Variants in SLC17A5 observed in about 807,000 individuals in gnomAD.
SLC17A5 encodes solute carrier family 17 member 5.
In SLC17A5, 47 loss-of-function variants were observed where a neutral mutation model predicts 59.4. The observed-to-expected ratio is 0.79, with a 90% CI of 0.63 to 1.01. SLC17A5 has a LOEUF of 1.01. Among genes scored for constraint, SLC17A5 ranks in the 50% least tolerant of loss-of-function variants. The pLI is 0.00. For missense variants in SLC17A5, 522 were observed against 595.5 expected (o/e 0.88, Z 1.28); for synonymous variants, 202 against 210.7 (o/e 0.96, Z 0.36).
chr6:73,647,995 G>C (rs914173186), intron 1 of SLC17A5, among the ~76,000 whole-genome samples: 1 of 152,096 alleles, frequency 6.6e-6, no homozygotes, highest in African/African-American at 2.4e-5. Context: ...CTTGAACCTG[G>C]GAGGTGGAGG....
At chr6:73,633,884 AAAAAATAAAT>A (rs1290946436) in intron 6 of SLC17A5, among the ~76,000 whole-genome samples, 1 of 151,900 alleles carries the variant, frequency 6.6e-6, no homozygotes, top group Admixed American at 6.6e-5. Context: ...CGTCTAAAAA[AAAAAATAAAT>A]AAAATAAAAT....
intron 2 of SLC17A5, among the ~76,000 whole-genome samples, chr6:73,643,522 G>C (rs1176912465): frequency 6.6e-6 from 1 of 151,942 alleles, no homozygotes. Context: ...TGTTGCCCAG[G>C]CTGGAGTGGA....
chr6:73,601,687 T>TG (rs1364751985), intron 9 of SLC17A5, among the ~76,000 whole-genome samples: 7 of 67,962 alleles, frequency 1.0e-4, no homozygotes, highest in East Asian at 7.3e-4. Flanking sequence ...AGGAGGGAGG[T>TG]GGGGTGGTCA....
intron 6 of SLC17A5, among the ~76,000 whole-genome samples, chr6:73,634,907 C>G (rs1768924551): frequency 2.0e-5 from 3 of 152,106 alleles, no homozygotes; most frequent in Admixed American, 6.6e-5. Flanking sequence ...TCATGAATAA[C>G]ACATTTTATT....
At chr6:73,631,063 A>G (rs901134589) in intron 6 of SLC17A5, among the ~76,000 whole-genome samples, 18 of 151,132 alleles carry the variant, frequency 1.2e-4, no homozygotes, top group African/African-American at 4.2e-4. Flanking sequence ...AAAAAAAAAA[A>G]AAAGAAAAAA....
intron 10 of SLC17A5, among the ~76,000 whole-genome samples, chr6:73,595,916 G>A (rs536406299): frequency 1.4e-3 from 1 of 722 alleles, no homozygotes; most frequent in African/African-American, 7.0e-3. Context: ...ATATATATAC[G>A]TATATATATA....
At chr6:73,648,334 C>T (rs76081669) in intron 1 of SLC17A5, among the ~76,000 whole-genome samples, 2,727 of 152,286 alleles carry the variant, frequency 0.018, 47 homozygotes, top group Non-Finnish European at 0.03. Flanking sequence ...AAGTTCAAAG[C>T]AAAATCATGC....
At chr6:73,636,900 G>A (rs1241441002) in intron 4 of SLC17A5, among the ~76,000 whole-genome samples, 193 bp from the exon 5 acceptor site, 1 of 152,032 alleles carries the variant, frequency 6.6e-6, no homozygotes, top group Non-Finnish European at 1.5e-5. Flanking sequence ...GGGCAATATG[G>A]CAAACTCCTA....
At chr6:73,601,749 C>T (rs1386997026) in intron 9 of SLC17A5, among the ~76,000 whole-genome samples, 2 of 128,930 alleles carry the variant, frequency 1.6e-5, no homozygotes, top group South Asian at 2.5e-4. Flanking sequence ...CGCCTCTGCC[C>T]AGCCGCCCCT....
At chr6:73,620,077 C>T (rs592752) in intron 7 of SLC17A5, among the ~76,000 whole-genome samples, 16,256 of 151,944 alleles carry the variant, frequency 0.11, 1,055 homozygotes, top group Middle Eastern at 0.18. Context: ...GTGCCTGCTA[C>T]CATGCCTGGC....
rs58205870 is a variant in SLC17A5 at position 73,645,789 on chromosome 6, C to CAA, written c.95-1188_95-1187dup. On this transcript the variant is annotated intron_variant, in intron 1 of 10. Transcript: ENST00000355773. ...GGCGACAGAGACAGAGACTCCGTCT[C>CAA]AAAAAAAAAAAAAAAAAAAAAAAGA... Among the ~76,000 whole-genome samples the CAA allele has an allele frequency of 5.0e-3, 378 of 75,006 alleles. 3 individuals carry two copies. The highest frequency in any genetic ancestry group is 6.9e-3 in the East Asian group (14 of 2,040). The allele number at this position is 75,006 out of a possible 152,430, so 49.2% of individuals were successfully genotyped here.
chr6:73,620,812 C>T (rs1452924876), intron 7 of SLC17A5, among the ~76,000 whole-genome samples: 1 of 151,816 alleles, frequency 6.6e-6, no homozygotes, highest in East Asian at 1.9e-4. Flanking sequence ...ACCTTCGCCT[C>T]CTGGGTTCAA....
At chr6:73,644,376 T>C in intron 2 of SLC17A5, 31 bp downstream of exon 2, 1 of 1,548,314 alleles carries the variant, frequency 6.5e-7, no homozygotes, top group Non-Finnish European at 8.9e-7. Flanking sequence ...TTAGGATAAT[T>C]AAAATTGTTT....
At chr6:73,622,881 T>TA (rs957596982) in intron 6 of SLC17A5, among the ~76,000 whole-genome samples, 2 of 152,058 alleles carry the variant, frequency 1.3e-5, no homozygotes, top group Non-Finnish European at 2.9e-5. Context: ...ATTATAAAAA[T>TA]AAAAAAACAC....
chr6:73,614,689 G>A (rs1767779743), intron 8 of SLC17A5, among the ~76,000 whole-genome samples: 5 of 152,102 alleles, frequency 3.3e-5, no homozygotes, highest in South Asian at 2.1e-4. Flanking sequence ...CACATTTAAC[G>A]AAGTCTCCAT....
Sources: allele counts gnomAD v4.1 joint callset (sites outside exome capture counted in the v4.1 genomes callset), GRCh38; gene constraint gnomAD v4.1.1; transcripts MANE v1.5; gene names NCBI Gene and HGNC (gene_info 2026-07-23, HGNC 2026-07-21).